The following FAT1 variants were observed in gnomAD, a reference collection of about 807,000 sequenced individuals.
FAT1 encodes the protein FAT atypical cadherin 1.
A neutral mutation model predicts 329.8 loss-of-function variants in FAT1; 171 were observed. The ratio of observed to expected loss-of-function variants is 0.52; its 90% CI spans 0.46 to 0.59. The LOEUF is 0.59. Among genes scored for constraint, FAT1 ranks in the 20% least tolerant of loss-of-function variants. The pLI is 0.00. For synonymous variants in FAT1, 2,233 were observed against 2,228.6 expected (o/e 1.00, Z -0.06); for missense variants, 5,672 against 5,774.4 (o/e 0.98, Z 0.57).
At chr4:186,718,569 A>C (rs181797128) in intron 1 of FAT1, among the ~76,000 whole-genome samples, 2,423 of 152,172 alleles carry the variant, frequency 0.016, 71 homozygotes, top group African/African-American at 0.055. Context: ...CAGGAGGCTG[A>C]AGCAGGAGAA....
At chr4:186,590,859 G>A (rs1388033027) in intron 26 of FAT1, among the ~76,000 whole-genome samples, 1 of 152,152 alleles carries the variant, frequency 6.6e-6, no homozygotes, top group Non-Finnish European at 1.5e-5. Flanking sequence ...TAAATTCAGA[G>A]GAATTCATAG....
At chr4:186,625,806 T>C (rs1049888835) in intron 9 of FAT1, among the ~76,000 whole-genome samples, 1 of 152,250 alleles carries the variant, frequency 6.6e-6, no homozygotes, top group African/African-American at 2.4e-5. Flanking sequence ...CTGTATGCTC[T>C]AAAGCAGAGC....
chr4:186,672,360 C>T (rs1395997078), intron 2 of FAT1, among the ~76,000 whole-genome samples: 3 of 152,098 alleles, frequency 2.0e-5, no homozygotes, highest in Non-Finnish European at 2.9e-5. Context: ...ACTAGTGTAC[C>T]GTACAGGTGC....
At position 186,706,179 on chromosome 4, in the gene FAT1, T is replaced by C. The variant is rs542531305; in HGVS notation, c.3265+384A>G. 6.6e-5 allele frequency among the ~76,000 whole-genome samples: 10 copies of C among 152,282 alleles called. No individual in the cohort carries two copies. In the East Asian group the frequency reaches 1.5e-3, roughly 24 times the overall value. The stretch of plus-strand genomic sequence containing the variant: ...AGATGGTAGCAGTAGTTGTTCTAAG[T>C]ATGAGCCTGCAAATACACTGACTGA... On this transcript the variant is annotated intron_variant, in intron 2 of 26. Transcript: ENST00000441802.
At chr4:186,658,987 G>A (rs1742041467) in intron 3 of FAT1, among the ~76,000 whole-genome samples, 1 of 152,244 alleles carries the variant, frequency 6.6e-6, no homozygotes, top group South Asian at 2.1e-4. Flanking sequence ...GCCACGCACT[G>A]CATAACGACG....
chr4:186,683,281 C>T (rs1250257352), intron 2 of FAT1, among the ~76,000 whole-genome samples: 2 of 152,102 alleles, frequency 1.3e-5, no homozygotes, highest in Non-Finnish European at 2.9e-5. Flanking sequence ...TTCTCCTCAT[C>T]TCTGTGTTGA....
intron 2 of FAT1, among the ~76,000 whole-genome samples, chr4:186,700,294 C>T (rs989227145): frequency 6.6e-6 from 1 of 152,140 alleles, no homozygotes; most frequent in African/African-American, 2.4e-5. Context: ...GCATTTTTAC[C>T]GATTAAATCA....
At position 186,609,273 on chromosome 4, in the gene FAT1, G is replaced by A. The variant is rs570428453; in HGVS notation, c.10116C>T (p.Tyr3372=). The A allele has an allele frequency of 1.2e-6, 2 of 1,614,060 alleles. No individual in the cohort carries two copies. The highest frequency in any genetic ancestry group is 1.7e-6 in the Non-Finnish European group (2 of 1,179,892). Residue 3372 remains tyrosine (Y), a synonymous_variant, in exon 16 of 27, where the codon TAC becomes TAT. Coordinates refer to ENST00000441802, the MANE Select transcript of FAT1 (RefSeq NM_005245.4). ...TTCCTTGGTTGCCATCTATAATTGA[G>A]TAGTGGATGTGGCTGTTGGAAGGTC... ...ADGPSNSHIH[Y]SIIDGNQGSS...
rs1052457943 is a variant in FAT1 at position 186,597,888 on chromosome 4, C to T, written c.12257+84G>A. 1.6e-5 allele frequency: 25 copies of T among 1,558,672 alleles called. No individual in the cohort carries two copies. The African/African-American group carries it at 1.9e-4, about 12-fold the overall frequency. ...AAAACAGAACACATTAGCAAATTAA[C>T]GTGCAGACTTTTTACATGTACCATT... On this transcript the variant is annotated intron_variant, in intron 23 of 26. Transcript: ENST00000441802.
intron 2 of FAT1, among the ~76,000 whole-genome samples, chr4:186,701,841 G>A (rs898204183): frequency 4.6e-5 from 7 of 152,240 alleles, no homozygotes; most frequent in African/African-American, 2.4e-5. Context: ...AGAAGCTCCA[G>A]AAACATTTTC....
At position 186,618,560 on chromosome 4, in the gene FAT1, C is replaced by T. The variant is rs557631884; in HGVS notation, c.8026G>A (p.Val2676Met). The T allele has an allele frequency of 1.1e-5, 18 of 1,613,946 alleles. No individual in the cohort carries two copies. Among genetic ancestry groups the T allele is most frequent in the Non-Finnish European group, 1.5e-5 (18 of 1,179,904 alleles). Residue 2676 changes from valine (V) to methionine (M), a missense_variant, in exon 10 of 27, where the codon GTG (valine) becomes ATG (methionine). By Grantham distance (21) the Val-to-Met change is conservative (BLOSUM62 1). Transcript: ENST00000441802. ...NEFFTFFVRA[V>M]DNGSPSKESV... Reference sequence around the variant, plus strand: ...TCTTTTGATGGAGACCCATTATCCACAGCTCTAACAAAGAAAGTGAAGAAT... The same window carrying T: ...TCTTTTGATGGAGACCCATTATCCATAGCTCTAACAAAGAAAGTGAAGAAT...
rs1267203656 is a variant in FAT1, at chr4:186,603,852, T to C, written c.10674A>G (p.Glu3558=). 3 of 1,613,968 alleles carry C rather than the reference T, an allele frequency of 1.9e-6. No homozygotes were observed. The highest frequency in any genetic ancestry group is 2.5e-6 in the Non-Finnish European group (3 of 1,179,886). Residue 3558 remains glutamate (E), a synonymous_variant, in exon 19 of 27, where the codon GAA becomes GAG. Transcript: ENST00000441802. ...TCTTCCCAATGACGCCACCTGAGTATTCTTCTCCAGAAGAGGTGATGAAAA... is the reference window on the plus strand; with the variant it reads ...TCTTCCCAATGACGCCACCTGAGTACTCTTCTCCAGAAGAGGTGATGAAAA... ...LEIFITSSGE[E]YSGGVIGKIH... is the part of the protein sequence containing the mutation.
Position 186,635,230 on chromosome 4 carries a change from T to C in FAT1, c.4183+795A>G, listed in dbSNP as rs1263836559. Among the ~76,000 whole-genome samples the C allele has an allele frequency of 2.0e-5, 3 of 152,026 alleles. No individual in the cohort carries two copies. In the South Asian group the frequency reaches 6.2e-4, roughly 32 times the overall value. The stretch of plus-strand genomic sequence containing the variant: ...AGGGGCAGAAGGGGAAAAATGGACA[T>C]AAAGTCCCCCCCAGAGAGATGAATC... On this transcript the variant is annotated intron_variant, in intron 6 of 26. Coordinates refer to ENST00000441802, the MANE Select transcript of FAT1 (RefSeq NM_005245.4).
chr4:186,596,643 C>T lies in FAT1; in HGVS notation c.12897G>A (p.Val4299=), dbSNP rs2126387677. 6.2e-7 allele frequency: 1 copy of T among 1,610,820 alleles called. No individual in the cohort carries two copies. Among genetic ancestry groups the T allele is most frequent in the South Asian group, 1.1e-5 (1 of 90,502 alleles). ...PESVHGHRKA[V]AVCSVAPNLP... Reference sequence around the variant, plus strand: ...GGTTTGGCGCCACGCTGCAGACCGCCACTGCTTTTCGGTGCCCGTGCACAG... The same window carrying T: ...GGTTTGGCGCCACGCTGCAGACCGCTACTGCTTTTCGGTGCCCGTGCACAG... The change falls in exon 25 of 27, where the codon GTG becomes GTA. Residue 4299 remains valine (V), a synonymous_variant. Coordinates refer to ENST00000441802, the MANE Select transcript of FAT1 (RefSeq NM_005245.4). The surrounding 1 kb of genome is among the most constrained non-coding windows in gnomAD (Gnocchi z 4.7).
At chr4:186,726,144 A>T (rs1037340383), upstream of FAT1, among the ~76,000 whole-genome samples, 1 of 152,222 alleles carries the variant, frequency 6.6e-6, no homozygotes, top group African/African-American at 2.4e-5. Flanking sequence ...ACAGTGCTCT[A>T]TATGTATTTT....
Position 186,613,318 on chromosome 4 carries a change from AG to A in FAT1, c.9253del (p.Asp3086IlefsTer30). 6.2e-7 allele frequency: 1 copy of A among 1,613,976 alleles called. No homozygotes were observed. Among genetic ancestry groups the A allele is most frequent in the Non-Finnish European group, 8.5e-7 (1 of 1,179,844 alleles). ...DTGELKTSTP[L>X]DREEQAVYHL... Reference sequence around the variant, plus strand: ...ATAAACAGCTTGCTCCTCACGATCAAGGGGGGTTGACGTTTTCAGTTCACCT... The same window carrying A: ...ATAAACAGCTTGCTCCTCACGATCAAGGGGGTTGACGTTTTCAGTTCACCT... On this transcript the variant is annotated frameshift_variant, in exon 13 of 27. Transcript: ENST00000441802. LOFTEE classifies it high-confidence loss of function.
rs769335147 is a variant in FAT1, at chr4:186,619,361, C to G, written c.7225G>C (p.Val2409Leu). Residue 2409 changes from valine to leucine, a missense_variant, in exon 10 of 27, where the codon GTG becomes CTG. Val to Leu is a conservative substitution (Grantham distance 32). Around this residue, in one of 2 missense-constraint regions of FAT1, gnomAD observed 3,966 missense variants for 3,915.2 expected, o/e 1.01. Transcript: ENST00000441802. ...ISEHAPHGHF[V>L]TCVKAYDADS... ...GCATCATAGGCTTTTACACAGGTCACGAAATGCCCATGAGGGGCGTGCTCG... is the reference window on the plus strand; with the variant it reads ...GCATCATAGGCTTTTACACAGGTCAGGAAATGCCCATGAGGGGCGTGCTCG... 6 of 1,613,864 alleles carry G rather than the reference C, an allele frequency of 3.7e-6. No homozygotes were observed. The African/African-American group carries it at 8.0e-5, about 22-fold the overall frequency.
chr4:186,617,605 TCATCCCTTAAATCCCCAATTTC>T, intron 10 of FAT1, 81 bp downstream of exon 10: 1 of 932,408 alleles, frequency 1.1e-6, no homozygotes, highest in South Asian at 2.1e-5. Flanking sequence ...TTAACTAAAA[TCATCCCTTAAATCCCCAATTTC>T]CATACAATAC....
intron 10 of FAT1, among the ~76,000 whole-genome samples, chr4:186,617,488 C>T (rs1739768303): frequency 6.6e-6 from 1 of 152,096 alleles, no homozygotes; most frequent in Non-Finnish European, 1.5e-5. Flanking sequence ...AAGAATGAGT[C>T]ACAAAAATCA....
Sources: gnomAD v4.1 joint callset for allele counts (sites outside exome capture counted in the v4.1 genomes callset) on GRCh38, gnomAD v4.1.1 for gene constraint, gnomAD v4.1.1 regional missense constraint, Gnocchi (gnomAD v3.1) non-coding constraint, MANE v1.5 for transcripts, NCBI Gene and HGNC (gene_info 2026-07-23, HGNC 2026-07-21) for gene names.